The following RERE variants were observed in gnomAD, a reference collection of about 807,000 sequenced individuals.
RERE encodes the protein arginine-glutamic acid dipeptide repeats protein.
RERE carries 40 observed loss-of-function variants against 146.1 expected under a neutral mutation model. That is an observed-to-expected ratio of 0.27 (90% CI 0.21 to 0.36). The LOEUF (loss-of-function observed/expected upper bound fraction) is 0.36, where lower values mean the gene tolerates loss of function less well. RERE is among the 10% of genes least tolerant of loss of function. The pLI, the probability that RERE is intolerant of heterozygous loss-of-function variation, is 1.00. For synonymous variants in RERE, 1,003 were observed against 866.0 expected, an observed-to-expected ratio of 1.16 and a Z score of -2.78; for missense variants, 1,933 against 2,138.7, an observed-to-expected ratio of 0.90 and a Z score of 1.90.
chr1:8,527,079 AG>A (rs1270418080), intron 7 of RERE, among the ~76,000 whole-genome samples: 2 of 152,350 alleles, frequency 1.3e-5, no homozygotes, highest in East Asian at 3.9e-4. Context: ...AGATTCCTAC[AG>A]TGAATGCAGA....
chr1:8,386,022 ATTTTTTTTTTTTT>A (rs60050106), intron 12 of RERE, among the ~76,000 whole-genome samples: 40 of 26,630 alleles, frequency 1.5e-3, no homozygotes, highest in African/African-American at 5.3e-3. Flanking sequence ...ATATATATAT[ATTTTTTTTTTTTT>A]TTTTTTTTTT....
intron 4 of RERE, among the ~76,000 whole-genome samples, chr1:8,590,134 C>A (rs1267350976): frequency 6.6e-6 from 1 of 151,984 alleles, no homozygotes; most frequent in Non-Finnish European, 1.5e-5. Context: ...GCTGGCCAGA[C>A]AGAACAAGTA....
At chr1:8,776,759 C>T (rs190677134) in intron 1 of RERE, among the ~76,000 whole-genome samples, 2 of 152,216 alleles carry the variant, frequency 1.3e-5, no homozygotes, top group East Asian at 1.9e-4. Context: ...GTCACTGTCA[C>T]CCAGGCTGGA....
At chr1:8,552,234 T>C (rs1437232279) in intron 6 of RERE, among the ~76,000 whole-genome samples, 1 of 152,180 alleles carries the variant, frequency 6.6e-6, no homozygotes, top group Admixed American at 6.5e-5. Context: ...AAGCTCTCTC[T>C]CCTCCTTTAT....
At chr1:8,536,311 A>G (rs1645726341) in intron 7 of RERE, among the ~76,000 whole-genome samples, 1 of 152,152 alleles carries the variant, frequency 6.6e-6, no homozygotes, top group African/African-American at 2.4e-5. Context: ...ATTAAGTAGC[A>G]GCACGGGACT....
intron 1 of RERE, among the ~76,000 whole-genome samples, chr1:8,662,941 A>T (rs1380194715): frequency 6.6e-6 from 1 of 152,170 alleles, no homozygotes; most frequent in African/African-American, 2.4e-5. Context: ...ACTATATGTA[A>T]ATTGTACTTA....
chr1:8,500,830 TGG>T (rs1645126347), intron 8 of RERE, among the ~76,000 whole-genome samples: 1 of 145,932 alleles, frequency 6.9e-6, no homozygotes, highest in Non-Finnish European at 1.5e-5. Flanking sequence ...CCGCCCTGTC[TGG>T]GATGTGAGGA....
intron 12 of RERE, among the ~76,000 whole-genome samples, chr1:8,416,323 C>A (rs529821563): frequency 6.6e-6 from 1 of 152,148 alleles, no homozygotes; most frequent in Non-Finnish European, 1.5e-5. Flanking sequence ...CGGTGGCTCA[C>A]ACCTGTAATC....
In RERE at chr1:8,631,895, C is replaced by T. The variant is rs572250839; in HGVS notation, c.326-7515G>A. ...CTACCTATTGAAGTAGTGCTTGTGG[C>T]ACCACAGACACAAAGGAAGAGAACT... On this transcript the variant is annotated intron_variant, in intron 2 of 22. Transcript: ENST00000400908. Among the ~76,000 whole-genome samples the T allele has an allele frequency of 2.6e-5, 4 of 152,306 alleles. No homozygotes were observed. The South Asian group carries it at 8.3e-4, about 32-fold the overall frequency.
chr1:8,578,413 G>A (rs1646323171), intron 4 of RERE, among the ~76,000 whole-genome samples: 1 of 152,062 alleles, frequency 6.6e-6, no homozygotes, highest in Non-Finnish European at 1.5e-5. Context: ...TAACAACTAA[G>A]GGTATTACAA....
At chr1:8,720,503 G>A (rs1188966841) in intron 1 of RERE, among the ~76,000 whole-genome samples, 1 of 152,080 alleles carries the variant, frequency 6.6e-6, no homozygotes, top group African/African-American at 2.4e-5. Context: ...AGAGAGAAGA[G>A]AGACAGACAG....
chr1:8,544,204 C>A (rs1199876802), intron 6 of RERE, among the ~76,000 whole-genome samples: 1 of 152,086 alleles, frequency 6.6e-6, no homozygotes, highest in Admixed American at 6.5e-5. Context: ...TGGAATAAAT[C>A]CCAGCTGGTC....
At chr1:8,717,905 T>G (rs1321070935) in intron 1 of RERE, among the ~76,000 whole-genome samples, 3 of 152,064 alleles carry the variant, frequency 2.0e-5, no homozygotes, top group African/African-American at 7.2e-5. Context: ...GATTGAAGAG[T>G]CAACTAAGTA....
chr1:8,570,387 TTAA>T (rs1187307342), intron 4 of RERE, among the ~76,000 whole-genome samples: 3 of 152,146 alleles, frequency 2.0e-5, no homozygotes, highest in African/African-American at 7.2e-5. Flanking sequence ...TATGAATTCA[TTAA>T]TAACAGTAAT....
chr1:8,355,331 G>T (rs769150308), intron 22 of RERE, 88 bp downstream of exon 22: 3 of 1,424,820 alleles, frequency 2.1e-6, no homozygotes, highest in South Asian at 1.2e-5. Flanking sequence ...AGCAGGCAGA[G>T]GGGGAGGAGC....
At chr1:8,778,614 A>T (rs948283829) in intron 1 of RERE, among the ~76,000 whole-genome samples, 1 of 152,142 alleles carries the variant, frequency 6.6e-6, no homozygotes, top group African/African-American at 2.4e-5. Context: ...AGGCAGAAGG[A>T]TCACTTGAGC....
chr1:8,650,104 T>A (rs546674718), intron 2 of RERE, among the ~76,000 whole-genome samples: 20 of 152,134 alleles, frequency 1.3e-4, no homozygotes, highest in African/African-American at 4.8e-4. Flanking sequence ...TATGCTGAGC[T>A]CCTAAGGACA....
At chr1:8,560,032 T>C (rs1646059603) in intron 4 of RERE, among the ~76,000 whole-genome samples, 1 of 152,178 alleles carries the variant, frequency 6.6e-6, no homozygotes, top group Admixed American at 6.5e-5. Flanking sequence ...AAACTTAGTT[T>C]CTTCCCTCGG....
At chr1:8,479,360 AAT>A (rs1346247414) in intron 10 of RERE, among the ~76,000 whole-genome samples, 2 of 151,974 alleles carry the variant, frequency 1.3e-5, no homozygotes, top group African/African-American at 4.8e-5. Context: ...TATTTTATAT[AAT>A]AGTCATTTTA....
Sources: allele counts gnomAD v4.1 joint callset (sites outside exome capture counted in the v4.1 genomes callset), GRCh38; gene constraint gnomAD v4.1.1; transcripts MANE v1.5; gene names NCBI Gene and HGNC (gene_info 2026-07-23, HGNC 2026-07-21).